The following CIT variants were observed in gnomAD, a reference collection of about 807,000 sequenced individuals.
CIT encodes the protein citron rho-interacting serine/threonine kinase.
In CIT, 79 loss-of-function variants were observed where a neutral mutation model predicts 272.7. That is an observed-to-expected ratio of 0.29 (90% CI 0.24 to 0.35). The LOEUF is 0.35. Among genes scored for constraint, CIT ranks in the 10% least tolerant of loss-of-function variants. CIT has a pLI of 1.00. For missense variants in CIT, 1,909 were observed against 2,618.3 expected, an observed-to-expected ratio of 0.73 and a Z score of 5.91; for synonymous variants, 948 against 995.6, an observed-to-expected ratio of 0.95 and a Z score of 0.90.
intron 9 of CIT, among the ~76,000 whole-genome samples, chr12:119,813,830 G>C (rs944392637): frequency 6.6e-6 from 1 of 152,204 alleles, no homozygotes; most frequent in Non-Finnish European, 1.5e-5. Context: ...CCAGGTCACA[G>C]GGGGTCTCAT....
intron 39 of CIT, among the ~76,000 whole-genome samples, chr12:119,709,783 AGAGAGT>A (rs1312177717): frequency 9.1e-5 from 5 of 54,702 alleles, no homozygotes; most frequent in Admixed American, 4.5e-4. Context: ...AGAGAGAGAG[AGAGAGT>A]GTGTGTGTGT....
chr12:119,828,003 C>A (rs1405253432), intron 7 of CIT, among the ~76,000 whole-genome samples: 1 of 152,112 alleles, frequency 6.6e-6, no homozygotes, highest in Non-Finnish European at 1.5e-5. Context: ...CAAAGAGTTG[C>A]AAAAACAGAA....
intron 23 of CIT, among the ~76,000 whole-genome samples, chr12:119,751,441 T>C (rs1238827517): frequency 1.3e-5 from 2 of 151,952 alleles, no homozygotes; most frequent in Non-Finnish European, 2.9e-5. Flanking sequence ...ACACCCCCGC[T>C]CCAAGTTCTA....
At chr12:119,793,275 C>T (rs11064911) in intron 10 of CIT, among the ~76,000 whole-genome samples, 66,459 of 151,900 alleles carry the variant, frequency 0.44, 15,162 homozygotes, top group Admixed American at 0.56. Context: ...AAAAATCATG[C>T]TATTAATAAA....
At chr12:119,702,696 A>G (rs1282471698) in intron 41 of CIT, among the ~76,000 whole-genome samples, 2 of 152,084 alleles carry the variant, frequency 1.3e-5, no homozygotes, top group African/African-American at 4.8e-5. Flanking sequence ...TCAAAAAAAA[A>G]AAGAAAGAAA....
At chr12:119,836,064 G>A (rs1406566695) in intron 5 of CIT, among the ~76,000 whole-genome samples, 6 of 151,790 alleles carry the variant, frequency 4.0e-5, no homozygotes, top group Admixed American at 2.6e-4. Flanking sequence ...CGAGGCAGGC[G>A]GATCACAAGG....
chr12:119,874,042 CTA>C (rs1384095289), intron 2 of CIT, among the ~76,000 whole-genome samples: 1 of 152,078 alleles, frequency 6.6e-6, no homozygotes, highest in Admixed American at 6.6e-5. Context: ...ACTACAACCT[CTA>C]TGTTATTTTT....
At chr12:119,794,671 A>G (rs1965581443) in intron 10 of CIT, among the ~76,000 whole-genome samples, 1 of 152,184 alleles carries the variant, frequency 6.6e-6, no homozygotes, top group Admixed American at 6.5e-5. Flanking sequence ...TTAGATGGAG[A>G]TATTAGGACA....
At chr12:119,766,177 G>A (rs1234322545) in intron 19 of CIT, among the ~76,000 whole-genome samples, 3 of 151,846 alleles carry the variant, frequency 2.0e-5, no homozygotes, top group Admixed American at 6.6e-5. Context: ...CATGGCACAC[G>A]TCGTTTACCT....
At chr12:119,828,602 G>A (rs1189655037) in intron 7 of CIT, among the ~76,000 whole-genome samples, 5 of 150,606 alleles carry the variant, frequency 3.3e-5, no homozygotes, top group Admixed American at 1.3e-4. Flanking sequence ...CTGCTCTGTC[G>A]CCCAGGCTAG....
chr12:119,741,655 C>T (rs951049949), intron 24 of CIT, among the ~76,000 whole-genome samples: 1 of 151,938 alleles, frequency 6.6e-6, no homozygotes, highest in African/African-American at 2.4e-5. Flanking sequence ...GCAAATAATA[C>T]AAACAAGGAC....
chr12:119,837,870 C>G (rs1364651750), intron 5 of CIT, among the ~76,000 whole-genome samples: 2 of 152,026 alleles, frequency 1.3e-5, no homozygotes, highest in African/African-American at 4.8e-5. Context: ...AGTTTTGAGA[C>G]CAGCTTGGGC....
intron 17 of CIT, among the ~76,000 whole-genome samples, chr12:119,771,737 C>T (rs1469743690): frequency 6.6e-6 from 1 of 152,028 alleles, no homozygotes; most frequent in East Asian, 1.9e-4. Flanking sequence ...ATTTTCTCAG[C>T]CAAGAGGAAA....
intron 3 of CIT, among the ~76,000 whole-genome samples, chr12:119,863,805 C>T (rs1950436825): frequency 1.3e-5 from 2 of 148,670 alleles, no homozygotes. Context: ...GCTAGGATTA[C>T]AGGCATGAGC....
At chr12:119,782,784 A>C in intron 12 of CIT, 147 bp from the exon 13 acceptor site, 1 of 955,930 alleles carries the variant, frequency 1.0e-6, no homozygotes, top group Non-Finnish European at 1.5e-6. Context: ...TTGGTTGCCG[A>C]CTCCGGTTTC....
intron 39 of CIT, among the ~76,000 whole-genome samples, chr12:119,709,013 G>A (rs975625038): frequency 6.8e-6 from 1 of 148,088 alleles, no homozygotes; most frequent in Non-Finnish European, 1.5e-5. Context: ...ACAAAAGGCT[G>A]AGGAACCGTT....
At position 119,825,383 on chromosome 12, in the gene CIT, A is replaced by G. The variant is rs766935159; in HGVS notation, c.754-15T>C. 1 of 1,610,450 alleles carries G rather than the reference A, an allele frequency of 6.2e-7. No homozygotes were observed. The highest frequency in any genetic ancestry group is 1.1e-5 in the South Asian group (1 of 90,680). On this transcript the variant is annotated splice_polypyrimidine_tract_variant and intron_variant, in intron 7 of 47. Transcript: ENST00000392521. ...TTGGCATTCACCTAGAATCCCATCA[A>G]TAAAACGAATACAGCAAACTTTCAA...
chr12:119,800,602 C>T (rs1250261583), intron 10 of CIT, among the ~76,000 whole-genome samples: 1 of 152,204 alleles, frequency 6.6e-6, no homozygotes, highest in Admixed American at 6.5e-5. Flanking sequence ...TAGCACAGTA[C>T]AGCAGCATCT....
At chr12:119,823,010 A>C in intron 8 of CIT, 37 bp from the exon 9 acceptor site, 5 of 1,565,826 alleles carry the variant, frequency 3.2e-6, no homozygotes, top group Non-Finnish European at 4.3e-6. Flanking sequence ...TTTCCTTAGT[A>C]GGGATTCCGT....
Sources: allele counts gnomAD v4.1 joint callset (sites outside exome capture counted in the v4.1 genomes callset), GRCh38; gene constraint gnomAD v4.1.1; transcripts MANE v1.5; gene names NCBI Gene and HGNC (gene_info 2026-07-23, HGNC 2026-07-21).